Variants in SMC4 observed in about 807,000 individuals in gnomAD.
SMC4 encodes structural maintenance of chromosomes protein 4.
Under a neutral mutation model 145.6 loss-of-function variants are expected in SMC4, and 87 were observed. That is an observed-to-expected ratio of 0.60 (90% CI 0.50 to 0.71). The LOEUF is 0.71. Among genes scored for constraint, SMC4 ranks in the 30% least tolerant of loss-of-function variants. The pLI is 0.00. For synonymous variants in SMC4, 558 were observed against 500.7 expected, an observed-to-expected ratio of 1.11 and a Z score of -1.53; for missense variants, 1,447 against 1,537.1, an observed-to-expected ratio of 0.94 and a Z score of 0.98.
Position 160,428,946 on chromosome 3 carries a change from G to A in SMC4, c.2795+4G>A. The A allele has an allele frequency of 3.2e-6, 5 of 1,572,184 alleles. No individual in the cohort carries two copies. Among genetic ancestry groups the A allele is most frequent in the Non-Finnish European group, 4.3e-6 (5 of 1,168,226 alleles). Reference sequence around the variant, plus strand: ...TAGCAATCAAGACTGCTGACAGGTAGAGTATGCATGTTACCCTAACTTGTT... The same window carrying A: ...TAGCAATCAAGACTGCTGACAGGTAAAGTATGCATGTTACCCTAACTTGTT... On this transcript the variant is annotated splice_donor_region_variant and intron_variant, in intron 18 of 23. Coordinates refer to ENST00000357388, the MANE Select transcript of SMC4 (RefSeq NM_001002800.3).
chr3:160,416,165 T>G, intron 9 of SMC4, 86 bp from the exon 10 acceptor site: 6 of 945,484 alleles, frequency 6.3e-6, no homozygotes, highest in Non-Finnish European at 8.9e-6. Context: ...TAGAGGACCC[T>G]GAGAAATGCC....
intron 22 of SMC4, 194 bp from the exon 23 acceptor site, chr3:160,432,832 C>T (rs868327288): frequency 9.2e-6 from 5 of 546,392 alleles, no homozygotes; most frequent in Middle Eastern, 4.8e-4. Context: ...AATCTTAAAA[C>T]TTTGGTATGT....
intron 4 of SMC4, among the ~76,000 whole-genome samples, chr3:160,403,754 G>A (rs1374263760): frequency 6.6e-6 from 1 of 152,040 alleles, no homozygotes; most frequent in Admixed American, 6.5e-5. Context: ...GAACTTTTAA[G>A]GTTAAGGGAA....
Position 160,420,789 on chromosome 3 carries a change from G to A in SMC4, c.1907G>A (p.Cys636Tyr), listed in dbSNP as rs762199380. The A allele has an allele frequency of 1.2e-5, 19 of 1,613,762 alleles. No individual in the cohort carries two copies. The East Asian group carries it at 4.0e-4, about 34-fold the overall frequency. ...DEKYDVAISS[C>Y]CHALDYIVVD... ...AAATACGACGTGGCTATATCATCCT[G>A]TTGTCATGCACTGGACTACATTGTT... Residue 636 changes from cysteine to tyrosine, a missense_variant, in exon 13 of 24, where the codon TGT (cysteine) becomes TAT (tyrosine). Transcript: ENST00000357388.
At chr3:160,424,807 C>G (rs1312603589) in intron 15 of SMC4, 60 bp from the exon 16 acceptor site, 1 of 1,595,506 alleles carries the variant, frequency 6.3e-7, no homozygotes, top group Non-Finnish European at 8.6e-7. Context: ...TTTTAGTTTT[C>G]TTCGTAAGTT....
At chr3:160,424,670 G>A (rs181904194) in intron 15 of SMC4, among the ~76,000 whole-genome samples, 197 bp from the exon 16 acceptor site, 98 of 152,254 alleles carry the variant, frequency 6.4e-4, no homozygotes, top group Non-Finnish European at 1.3e-3. Flanking sequence ...AGCCGGGCGT[G>A]GTGGCACGCA....
At chr3:160,416,121 C>A in intron 9 of SMC4, 130 bp from the exon 10 acceptor site, 1 of 500,928 alleles carries the variant, frequency 2.0e-6, no homozygotes, top group Non-Finnish European at 3.4e-6. Flanking sequence ...TTAAAGCTAG[C>A]TAATTTAACT....
rs1202048262 is a variant in SMC4, at chr3:160,431,096, A to C, written c.3005A>C (p.Glu1002Ala). 1 of 1,608,470 alleles carries C rather than the reference A, an allele frequency of 6.2e-7. No individual in the cohort carries two copies. The highest frequency in any genetic ancestry group is 8.5e-7 in the Non-Finnish European group (1 of 1,178,590). ...CTTCAAGAATTAAAAGTTATTCAAG[A>C]AAATGAACATGCTCTTCAAAAAGAT... ...NLLQELKVIQENEHALQKDAL... is the reference protein window; with the variant it reads ...NLLQELKVIQANEHALQKDAL... The change falls in exon 20 of 24, where the codon GAA (glutamate) becomes GCA (alanine). Residue 1002 changes from glutamate to alanine, a missense_variant. Transcript: ENST00000357388.
intron 13 of SMC4, among the ~76,000 whole-genome samples, chr3:160,422,871 A>G (rs1263222763): frequency 2.0e-5 from 3 of 152,176 alleles, no homozygotes; most frequent in African/African-American, 4.8e-5. Flanking sequence ...CCATGTGGCT[A>G]TCCAGTTATT....
At chr3:160,416,453 C>CT (rs540065401) in intron 10 of SMC4, 38 bp downstream of exon 10, 12,107 of 996,676 alleles carry the variant, frequency 0.012, 9 homozygotes, top group African/African-American at 0.023. Flanking sequence ...ATTTTGGTGG[C>CT]TTTTTTTTTT....
At chr3:160,432,599 G>A (rs2108507479) in intron 22 of SMC4, 84 bp downstream of exon 22, 2 of 859,820 alleles carry the variant, frequency 2.3e-6, no homozygotes. Context: ...GAGGTAGGAT[G>A]TGAAGGCAAG....
chr3:160,433,322 T>TC (rs1718621368), intron 23 of SMC4, 113 bp downstream of exon 23: 1 of 692,306 alleles, frequency 1.4e-6, no homozygotes, highest in Non-Finnish European at 2.4e-6. Context: ...GTCTAATAAC[T>TC]CCATCTCCAT....
intron 5 of SMC4, among the ~76,000 whole-genome samples, chr3:160,407,818 G>A (rs1715513275): frequency 6.6e-6 from 1 of 152,232 alleles, no homozygotes; most frequent in Admixed American, 6.5e-5. Flanking sequence ...CTAGGGTGAA[G>A]GTGGTGGAGA....
chr3:160,401,774 T>C (rs531400640), intron 2 of SMC4, 141 bp from the exon 3 acceptor site: 52 of 633,560 alleles, frequency 8.2e-5, no homozygotes, highest in Non-Finnish European at 1.0e-4. Flanking sequence ...GTGGAAAATA[T>C]AGACTCCTAA....
intron 1 of SMC4, chr3:160,400,594 C>T (rs1714462782): frequency 2.0e-6 from 1 of 493,670 alleles, no homozygotes; most frequent in Non-Finnish European, 3.5e-6. Context: ...GTTGATTGAT[C>T]CTCAGGCACG....
chr3:160,413,136 G>A (rs183992779), intron 7 of SMC4, among the ~76,000 whole-genome samples: 29 of 151,818 alleles, frequency 1.9e-4, no homozygotes, highest in Non-Finnish European at 4.0e-4. Context: ...GGATTTTTTT[G>A]TTTTTATTTT....
At chr3:160,417,597 C>T (rs1716724027) in intron 10 of SMC4, 126 bp from the exon 11 acceptor site, 1 of 768,174 alleles carries the variant, frequency 1.3e-6, no homozygotes, top group African/African-American at 1.8e-5. Context: ...GTGAGAATTT[C>T]TTATTTCTAT....
At chr3:160,405,006 G>C (rs935613087) in intron 5 of SMC4, among the ~76,000 whole-genome samples, 12 of 151,932 alleles carry the variant, frequency 7.9e-5, no homozygotes, top group Non-Finnish European at 1.8e-4. Context: ...TAAGCACCTA[G>C]TTAATTTAAT....
Position 160,423,576 on chromosome 3 carries a change from C to T in SMC4, c.2171C>T (p.Ala724Val). 6.2e-7 allele frequency: 1 copy of T among 1,613,736 alleles called. No homozygotes were observed. The highest frequency in any genetic ancestry group is 1.3e-5 in the African/African-American group (1 of 74,992). Reference sequence around the variant, plus strand: ...TTAGTAGCTGACAACTTGGATCAAGCCACAAGAGTAGCATATCAAAAAGAT... The same window carrying T: ...TTAGTAGCTGACAACTTGGATCAAGTCACAAGAGTAGCATATCAAAAAGAT... ...DTLVADNLDQ[A>V]TRVAYQKDRR... Residue 724 changes from alanine to valine, a missense_variant, in exon 14 of 24, where the codon GCC (alanine) becomes GTC (valine). Coordinates refer to ENST00000357388, the MANE Select transcript of SMC4 (RefSeq NM_001002800.3).
Sources: allele counts gnomAD v4.1 joint callset (sites outside exome capture counted in the v4.1 genomes callset), GRCh38; gene constraint gnomAD v4.1.1; transcripts MANE v1.5; gene names NCBI Gene and HGNC (gene_info 2026-07-23, HGNC 2026-07-21).